CRYZ: variants seen among roughly 807,000 people sequenced by gnomAD.
CRYZ encodes the protein zeta-crystallin.
In CRYZ, 35 loss-of-function variants were observed where a neutral mutation model predicts 34.1. The ratio of observed to expected loss-of-function variants is 1.03; its 90% CI spans 0.78 to 1.36. The LOEUF (loss-of-function observed/expected upper bound fraction) is 1.36, where lower values mean the gene tolerates loss of function less well. CRYZ is among the 40% of genes most tolerant of loss of function. CRYZ has a pLI of 0.00. For missense variants in CRYZ, 403 were observed against 391.8 expected, an observed-to-expected ratio of 1.03 and a Z score of -0.24; for synonymous variants, 137 against 136.5, an observed-to-expected ratio of 1.00 and a Z score of -0.03.
At chr1:74,713,709 T>C (rs1647034638) in intron 5 of CRYZ, among the ~76,000 whole-genome samples, 1 of 152,192 alleles carries the variant, frequency 6.6e-6, no homozygotes, top group South Asian at 2.1e-4. Context: ...TGCCATTTAA[T>C]AGGTTACTTC....
chr1:74,713,920 G>C (rs1023719964), intron 5 of CRYZ, among the ~76,000 whole-genome samples: 18 of 152,108 alleles, frequency 1.2e-4, no homozygotes, highest in Non-Finnish European at 2.5e-4. Flanking sequence ...AAGCTCCTGA[G>C]AGGCAGATTG....
Position 74,707,258 on chromosome 1 carries a change from T to C in CRYZ, c.631-54A>G, listed in dbSNP as rs1646943494. ...AGATAGCAAGTGAAAAACTGTAAAA[T>C]AGCTACTATCTGTACAAGATATTAT... On this transcript the variant is annotated intron_variant, in intron 6 of 8. Coordinates refer to ENST00000340866, the MANE Select transcript of CRYZ (RefSeq NM_001889.4). 6.5e-6 allele frequency: 6 copies of C among 929,738 alleles called. No individual in the cohort carries two copies. The South Asian group carries it at 7.2e-5, about 11-fold the overall frequency. 57.6% of individuals were successfully genotyped at this position (929,738 alleles called of 1,614,324 possible). A position where few individuals can be genotyped will look rare whatever the true frequency, so the allele number is the denominator to read the frequency against.
At chr1:74,707,051 T>C in intron 7 of CRYZ, 52 bp downstream of exon 7, 1 of 1,560,728 alleles carries the variant, frequency 6.4e-7, no homozygotes, top group East Asian at 2.3e-5. Context: ...AGTGTTAAAT[T>C]GTGGTAAAAC....
intron 4 of CRYZ, among the ~76,000 whole-genome samples, chr1:74,717,396 G>C (rs1647092315): frequency 6.6e-6 from 1 of 152,068 alleles, no homozygotes; most frequent in Non-Finnish European, 1.5e-5. Context: ...CTATTGAAAA[G>C]GAACTGACTA....
At chr1:74,719,110 A>T in intron 4 of CRYZ, 99 bp downstream of exon 4, 1 of 1,273,742 alleles carries the variant, frequency 7.9e-7, no homozygotes, top group Non-Finnish European at 1.1e-6. Flanking sequence ...CTGGTAACCA[A>T]ATATGATGAA....
chr1:74,722,663 G>T (rs1647181838), intron 3 of CRYZ, among the ~76,000 whole-genome samples: 1 of 151,660 alleles, frequency 6.6e-6, no homozygotes. Flanking sequence ...CTGAGTCAGG[G>T]CTCCAAAACT....
At chr1:74,715,098 A>G (rs1647054213) in intron 4 of CRYZ, among the ~76,000 whole-genome samples, 1 of 152,080 alleles carries the variant, frequency 6.6e-6, no homozygotes, top group Non-Finnish European at 1.5e-5. Flanking sequence ...AAAGAAAGAA[A>G]TTTTTCTTCT....
chr1:74,718,239 C>T (rs779979783), intron 4 of CRYZ, among the ~76,000 whole-genome samples: 7 of 152,094 alleles, frequency 4.6e-5, no homozygotes, highest in Non-Finnish European at 8.8e-5. Context: ...CTACTTACTT[C>T]TTCTACCAGA....
rs779357776 is a variant in CRYZ, at chr1:74,710,158, C to A, written c.570G>T (p.Leu190Phe). ...TGAACACTTCATGGGCTCCATTTTG[C>A]AAAACAATCTTTTGTCCTTCCTCAG... ...AGTEEGQKIV[L>F]QNGAHEVFNH... The change falls in exon 6 of 9, where the codon TTG (leucine) becomes TTT (phenylalanine). Residue 190 changes from leucine to phenylalanine, a missense_variant. Physicochemically the swap from Leu to Phe is conservative, Grantham distance 22. Coordinates refer to ENST00000340866, the MANE Select transcript of CRYZ (RefSeq NM_001889.4). 6.2e-7 allele frequency: 1 copy of A among 1,613,852 alleles called. No homozygotes were observed. The highest frequency in any genetic ancestry group is 1.7e-5 in the Admixed American group (1 of 60,018).
chr1:74,731,369 A>G (rs1647722384), intron 1 of CRYZ, among the ~76,000 whole-genome samples: 1 of 152,266 alleles, frequency 6.6e-6, no homozygotes, highest in Admixed American at 6.5e-5. Context: ...GTAAAATTAA[A>G]TAAGAATTCT....
chr1:74,716,817 C>A (rs1343625623), intron 4 of CRYZ, among the ~76,000 whole-genome samples: 1 of 152,136 alleles, frequency 6.6e-6, no homozygotes, highest in Non-Finnish European at 1.5e-5. Flanking sequence ...CTCCCCGCAG[C>A]CCCTGTGCTC....
intron 1 of CRYZ, among the ~76,000 whole-genome samples, chr1:74,731,951 T>C (rs1336854453): frequency 1.3e-5 from 2 of 152,220 alleles, no homozygotes; most frequent in Non-Finnish European, 2.9e-5. Context: ...AATAAAACTA[T>C]ACATTTCTCT....
chr1:74,730,879 T>C (rs577152127), intron 1 of CRYZ, among the ~76,000 whole-genome samples: 7 of 152,368 alleles, frequency 4.6e-5, no homozygotes, highest in Admixed American at 1.3e-4. Flanking sequence ...GCATATTTTA[T>C]GACTAAGGCA....
chr1:74,706,608 A>T (rs912166054), intron 8 of CRYZ, 151 bp from the exon 9 acceptor site: 10 of 750,522 alleles, frequency 1.3e-5, no homozygotes, highest in Non-Finnish European at 2.1e-5. Context: ...ACTATAGAAA[A>T]AGTAGTTATC....
intron 4 of CRYZ, among the ~76,000 whole-genome samples, chr1:74,716,123 G>A (rs1460006972): frequency 6.6e-6 from 1 of 151,710 alleles, no homozygotes; most frequent in Non-Finnish European, 1.5e-5. Context: ...CTGGCCCACC[G>A]CAACAGATTT....
intron 1 of CRYZ, among the ~76,000 whole-genome samples, chr1:74,729,880 T>C (rs1188384366): frequency 6.6e-6 from 1 of 152,132 alleles, no homozygotes; most frequent in African/African-American, 2.4e-5. Context: ...GTACATGAAG[T>C]GGTGTGTTAA....
intron 6 of CRYZ, chr1:74,707,475 CAACTT>C: frequency 1.4e-5 from 3 of 221,222 alleles, no homozygotes; most frequent in African/African-American, 4.5e-5. Flanking sequence ...GTGCTAGACT[CAACTT>C]GAGTATAAAA....
At chr1:74,725,746 T>A (rs1432733726) in intron 1 of CRYZ, among the ~76,000 whole-genome samples, 2 of 152,162 alleles carry the variant, frequency 1.3e-5, no homozygotes, top group African/African-American at 2.4e-5. Flanking sequence ...AAGGCAACTC[T>A]CTTCTGCCTA....
Position 74,706,256 on chromosome 1 carries a change from T to C in CRYZ, c.*40A>G, listed in dbSNP as rs1488251162. 15 of 1,515,906 alleles carry C rather than the reference T, an allele frequency of 9.9e-6. No individual in the cohort carries two copies. The highest frequency in any genetic ancestry group is 1.2e-5 in the Non-Finnish European group (14 of 1,120,390). The allele number at this position is 1,515,906 out of a possible 1,614,324, so 93.9% of individuals were successfully genotyped here. A position where few individuals can be genotyped will look rare whatever the true frequency, so the allele number is the denominator to read the frequency against. On this transcript the variant is annotated 3_prime_UTR_variant, in exon 9 of 9. Transcript: ENST00000340866. The stretch of plus-strand genomic sequence containing the variant: ...GTAAGTACAACTGGGGGAAAGACAG[T>C]ACCTCTAATTACATAGGAAATCCAT...
Sources: gnomAD v4.1 joint callset for allele counts (sites outside exome capture counted in the v4.1 genomes callset) on GRCh38, gnomAD v4.1.1 for gene constraint, MANE v1.5 for transcripts, NCBI Gene and HGNC (gene_info 2026-07-23, HGNC 2026-07-21) for gene names.